The following LAMA3 variants were observed in gnomAD, a reference collection of about 807,000 sequenced individuals.
LAMA3 encodes laminin subunit alpha-3.
A neutral mutation model predicts 402.0 loss-of-function variants in LAMA3; 281 were observed. That is an observed-to-expected ratio of 0.70 (90% CI 0.63 to 0.77). The LOEUF (loss-of-function observed/expected upper bound fraction) is 0.77. Ranked by LOEUF, LAMA3 falls within the 30% of genes least tolerant of loss-of-function variation. LAMA3 has a pLI of 0.00. For synonymous variants in LAMA3, 1,431 were observed against 1,558.4 expected, an observed-to-expected ratio of 0.92 and a Z score of 1.93; for missense variants, 3,840 against 4,215.5, an observed-to-expected ratio of 0.91 and a Z score of 2.47.
At position 23,904,569 on chromosome 18, in the gene LAMA3, A is replaced by G; in HGVS notation, c.6490A>G (p.Ser2164Gly). ...KQLEEIKRNA[S>G]GDELVRCAVD... is the part of the protein sequence containing the mutation. ...GTCTTCCAGGATCAAGAGAAACGCC[A>G]GCGGGGATGAGCTGGTGCGCTGTGC... is the stretch of plus-strand genomic sequence containing the variant. Residue 2164 changes from serine (S) to glycine (G), a missense_variant, in exon 51 of 75, where the codon AGC (serine) becomes GGC (glycine). Coordinates refer to ENST00000313654, the MANE Select transcript of LAMA3 (RefSeq NM_198129.4). 1.2e-6 allele frequency: 2 copies of G among 1,600,612 alleles called. No homozygotes were observed. Among genetic ancestry groups the G allele is most frequent in the Non-Finnish European group, 1.7e-6 (2 of 1,173,580 alleles).
At position 23,815,230 on chromosome 18, in the gene LAMA3, A is replaced by C. The variant is rs1207897046; in HGVS notation, c.1931A>C (p.Glu644Ala). ...GCGGGAACAGTGAGTGGAACTGGAG[A>C]GTGTAGGCAGGTAAAGTGGGCTGAG... ...HKAGTVSGTGECRQGDGDCHC... is the reference protein window; with the variant it reads ...HKAGTVSGTGACRQGDGDCHC... The change falls in exon 16 of 75, where the codon GAG (glutamate) becomes GCG (alanine). Residue 644 changes from glutamate to alanine, a missense_variant. Glu to Ala is a moderately radical substitution (Grantham distance 107). Coordinates refer to ENST00000313654, the MANE Select transcript of LAMA3 (RefSeq NM_198129.4). 2 of 1,613,952 alleles carry C rather than the reference A, an allele frequency of 1.2e-6. No individual in the cohort carries two copies. Among genetic ancestry groups the C allele is most frequent in the Non-Finnish European group, 1.7e-6 (2 of 1,179,984 alleles).
chr18:23,736,273 G>A (rs1174156163), intron 2 of LAMA3, among the ~76,000 whole-genome samples: 1 of 149,350 alleles, frequency 6.7e-6, no homozygotes, highest in Non-Finnish European at 1.5e-5. Flanking sequence ...GTATAAATGT[G>A]CTATCACATC....
chr18:23,808,588 T>TG (rs2063008775), intron 12 of LAMA3, among the ~76,000 whole-genome samples: 5 of 152,222 alleles, frequency 3.3e-5, no homozygotes, highest in Admixed American at 3.3e-4. Flanking sequence ...GTAAATTCTC[T>TG]GGGTCTGCAA....
intron 18 of LAMA3, 151 bp downstream of exon 18, chr18:23,816,638 T>C: frequency 1.4e-6 from 1 of 716,150 alleles, no homozygotes; most frequent in Non-Finnish European, 2.5e-6. Flanking sequence ...TCTGGACATT[T>C]GTGTGTGAGT....
In LAMA3 at chr18:23,925,706, G is replaced by A. The variant is rs561124078; in HGVS notation, c.8178-2417G>A. ...GCAATCACATTCCTCTAGCAAGTAT[G>A]TTCAGACCCTGTATCCTGGAGTAAA... On this transcript the variant is annotated intron_variant, in intron 62 of 74. Coordinates refer to ENST00000313654, the MANE Select transcript of LAMA3 (RefSeq NM_198129.4). Among the ~76,000 whole-genome samples the A allele has an allele frequency of 2.6e-5, 4 of 152,278 alleles. No homozygotes were observed. The East Asian group carries it at 7.7e-4, about 29-fold the overall frequency.
chr18:23,812,342 A>G (rs1187263064), intron 13 of LAMA3, among the ~76,000 whole-genome samples: 1 of 152,188 alleles, frequency 6.6e-6, no homozygotes, highest in African/African-American at 2.4e-5. Context: ...ACCCTGTCTC[A>G]AAAAAGAGAG....
chr18:23,783,664 G>A (rs2062481308), intron 11 of LAMA3, among the ~76,000 whole-genome samples: 1 of 152,202 alleles, frequency 6.6e-6, no homozygotes, highest in South Asian at 2.1e-4. Context: ...CTAAAAACTG[G>A]AAGGAAGAAA....
intron 68 of LAMA3, among the ~76,000 whole-genome samples, chr18:23,941,226 G>A (rs965698042): frequency 1.6e-4 from 24 of 151,564 alleles, no homozygotes; most frequent in African/African-American, 4.8e-4. Flanking sequence ...GTGAGCCACC[G>A]CGCCCGGCCA....
Position 23,826,524 on chromosome 18 carries a change from AT to A in LAMA3, c.2572-177del, listed in dbSNP as rs375817076. Among the ~76,000 whole-genome samples, 405 of 152,302 alleles carry A rather than the reference AT, an allele frequency of 2.7e-3. 2 individuals are homozygous for A. The highest frequency in any genetic ancestry group is 9.5e-3 in the African/African-American group (393 of 41,566). ...CTCTCTGATACATAAAGAATCTTTG[AT>A]GAGTGGTTCTTTGTGTTTCGGTGAG... On this transcript the variant is annotated intron_variant, in intron 21 of 74. Transcript: ENST00000313654.
At chr18:23,814,329 C>A in intron 14 of LAMA3, 74 bp from the exon 15 acceptor site, 2 of 1,122,238 alleles carry the variant, frequency 1.8e-6, no homozygotes, top group Non-Finnish European at 2.7e-6. Context: ...TGTGACAAGT[C>A]TTTGCTCACG....
chr18:23,729,120 GTA>G (rs1465174390), intron 2 of LAMA3, among the ~76,000 whole-genome samples: 51 of 62,152 alleles, frequency 8.2e-4, no homozygotes, highest in Admixed American at 6.5e-3. Context: ...TATTGTGTGT[GTA>G]TGTGTGTGTG....
In LAMA3 at chr18:23,899,050, A is replaced by C. The variant is rs1357948330; in HGVS notation, c.5821A>C (p.Ile1941Leu). The change falls in exon 46 of 75, where the codon ATC becomes CTC. Residue 1941 changes from isoleucine (I) to leucine (L), a missense_variant. This residue lies in a region of LAMA3 where 891 missense variants were observed against 857.5 expected (regional missense o/e 1.04). Coordinates refer to ENST00000313654, the MANE Select transcript of LAMA3 (RefSeq NM_198129.4). ...KELDVKIKNVIRNVHILLKQI... is the reference protein window; with the variant it reads ...KELDVKIKNVLRNVHILLKQI... ...ACTGGATGTGAAGATTAAAAATGTCATCCGGAATGTGCACAGTAAGAAGAG... is the reference window on the plus strand; with the variant it reads ...ACTGGATGTGAAGATTAAAAATGTCCTCCGGAATGTGCACAGTAAGAAGAG... 1.2e-6 allele frequency: 2 copies of C among 1,612,956 alleles called. No homozygotes were observed. The highest frequency in any genetic ancestry group is 1.1e-5 in the South Asian group (1 of 91,054).
intron 68 of LAMA3, among the ~76,000 whole-genome samples, chr18:23,940,771 G>T (rs1243137197): frequency 3.3e-5 from 5 of 152,048 alleles, no homozygotes; most frequent in Non-Finnish European, 7.4e-5. Flanking sequence ...AAGTCTTGGG[G>T]TCCCTCATTT....
At chr18:23,730,174 G>A (rs2061367894) in intron 2 of LAMA3, among the ~76,000 whole-genome samples, 1 of 152,138 alleles carries the variant, frequency 6.6e-6, no homozygotes. Context: ...CACCATGCAG[G>A]TGGACACAGC....
In LAMA3 at chr18:23,833,896, G is replaced by A. The variant is rs201094729; in HGVS notation, c.2892G>A (p.Thr964=). The stretch of plus-strand genomic sequence containing the variant: ...ACGTGGTTGTGGTCGAGTATTCCAC[G>A]GAGGCAGCTCAGCTGTTTGTGGTTG... ...GHYVVVVEYS[T]EAAQLFVVDV... Residue 964 remains threonine (T), a synonymous_variant, in exon 24 of 75, where the codon ACG becomes ACA. Coordinates refer to ENST00000313654, the MANE Select transcript of LAMA3 (RefSeq NM_198129.4). The A allele has an allele frequency of 2.6e-5, 42 of 1,613,998 alleles. No homozygotes were observed. Among genetic ancestry groups the A allele is most frequent in the Admixed American group, 1.0e-4 (6 of 59,998 alleles).
At chr18:23,907,970 A>G in intron 54 of LAMA3, 35 bp downstream of exon 54, 2 of 1,596,190 alleles carry the variant, frequency 1.3e-6, no homozygotes, top group Non-Finnish European at 1.7e-6. Flanking sequence ...CATCTTAGCC[A>G]TTCTCTCCAT....
intron 12 of LAMA3, among the ~76,000 whole-genome samples, chr18:23,808,196 G>A (rs2063000577): frequency 6.6e-6 from 1 of 151,876 alleles, no homozygotes; most frequent in Non-Finnish European, 1.5e-5. Context: ...ACCATCCATG[G>A]GCACCAAAAG....
intron 2 of LAMA3, among the ~76,000 whole-genome samples, chr18:23,718,389 ACT>A (rs61335801): frequency 0.015 from 2,213 of 152,232 alleles, 48 homozygotes; most frequent in African/African-American, 0.05. Flanking sequence ...AGCAAGCCTG[ACT>A]CATTGTGTTC....
At chr18:23,763,861 AG>A (rs2062024195) in intron 8 of LAMA3, among the ~76,000 whole-genome samples, 1 of 152,184 alleles carries the variant, frequency 6.6e-6, no homozygotes, top group South Asian at 2.1e-4. Context: ...TATTAATGTT[AG>A]TGCTGACCCT....
Sources: allele counts gnomAD v4.1 joint callset (sites outside exome capture counted in the v4.1 genomes callset), GRCh38; gene constraint gnomAD v4.1.1; regional missense constraint gnomAD v4.1.1; transcripts MANE v1.5; gene names NCBI Gene and HGNC (gene_info 2026-07-23, HGNC 2026-07-21).